The following TDRD3 variants were observed in gnomAD, a reference collection of about 807,000 sequenced individuals.
TDRD3 encodes tudor domain containing 3.
In TDRD3, 45 loss-of-function variants were observed where a neutral mutation model predicts 86.7. That is an observed-to-expected ratio of 0.52 (90% CI 0.41 to 0.67). TDRD3 has a LOEUF of 0.67. Ranked by LOEUF, TDRD3 falls within the 30% of genes least tolerant of loss-of-function variation. The pLI, the probability that TDRD3 is intolerant of heterozygous loss-of-function variation, is 0.00. For missense variants in TDRD3, 814 were observed against 889.0 expected, an observed-to-expected ratio of 0.92 and a Z score of 1.07; for synonymous variants, 298 against 301.7, an observed-to-expected ratio of 0.99 and a Z score of 0.13.
At chr13:60,546,716 C>G (rs1957947988) in intron 12 of TDRD3, among the ~76,000 whole-genome samples, 1 of 152,036 alleles carries the variant, frequency 6.6e-6, no homozygotes, top group Non-Finnish European at 1.5e-5. Context: ...AGGCAGTTTT[C>G]AAAATAATTT....
chr13:60,524,302 T>C (rs1008822772), intron 10 of TDRD3, among the ~76,000 whole-genome samples: 4 of 151,288 alleles, frequency 2.6e-5, no homozygotes, highest in Non-Finnish European at 5.9e-5. Flanking sequence ...AGGTCAGGAG[T>C]TTGAGACCAG....
At chr13:60,517,178 G>A (rs1957191117) in intron 10 of TDRD3, among the ~76,000 whole-genome samples, 1 of 147,568 alleles carries the variant, frequency 6.8e-6, no homozygotes, top group African/African-American at 2.5e-5. Flanking sequence ...TTTTGGCTTT[G>A]TTTTTGCTTT....
intron 8 of TDRD3, among the ~76,000 whole-genome samples, chr13:60,497,142 G>A (rs1956735595): frequency 1.3e-5 from 2 of 152,302 alleles, no homozygotes. Context: ...CGGAAGGGTG[G>A]AAGTCAACGG....
At chr13:60,565,026 C>T (rs1958417314) in intron 12 of TDRD3, among the ~76,000 whole-genome samples, 1 of 144,076 alleles carries the variant, frequency 6.9e-6, no homozygotes, top group African/African-American at 2.6e-5. Context: ...GAACTGAAAA[C>T]CAAACTATCA....
chr13:60,572,666 G>C (rs1422981329), intron 13 of TDRD3, among the ~76,000 whole-genome samples: 1 of 152,214 alleles, frequency 6.6e-6, no homozygotes, highest in Non-Finnish European at 1.5e-5. Context: ...TTTGTTTGAT[G>C]AAAGAATGGT....
chr13:60,536,023 C>T (rs1336817886), intron 12 of TDRD3: 1 of 151,876 alleles, frequency 6.6e-6, no homozygotes, highest in Non-Finnish European at 1.5e-5. Context: ...TTGGTATTTT[C>T]CTAAAATAGC....
At chr13:60,526,317 A>T (rs1370157840) in intron 10 of TDRD3, among the ~76,000 whole-genome samples, 1 of 152,214 alleles carries the variant, frequency 6.6e-6, no homozygotes, top group Admixed American at 6.5e-5. Flanking sequence ...GATAATGTAT[A>T]TAAAGTGCTA....
chr13:60,502,608 A>G (rs1474895594), intron 8 of TDRD3, among the ~76,000 whole-genome samples: 1 of 152,152 alleles, frequency 6.6e-6, no homozygotes, highest in African/African-American at 2.4e-5. Flanking sequence ...GAGCTCAGCC[A>G]TGGGTTTGTA....
In TDRD3 at chr13:60,496,287, CCATATATATA is replaced by C. The variant is rs1229310811; in HGVS notation, c.858+1713_858+1722del. Among the ~76,000 whole-genome samples, 99 of 57,514 alleles carry C rather than the reference CCATATATATA, an allele frequency of 1.7e-3. No individual in the cohort carries two copies. The Middle Eastern group carries it at 0.038, about 22-fold the overall frequency. 37.7% of individuals were successfully genotyped at this position (57,514 alleles called of 152,430 possible). A position where few individuals can be genotyped will look rare whatever the true frequency, so the allele number is the denominator to read the frequency against. On this transcript the variant is annotated intron_variant, in intron 8 of 13. Coordinates refer to ENST00000377881, the MANE Select transcript of TDRD3 (RefSeq NM_001146070.2). ...TTGTGAGTTAATACTTAACAAACTC[CCATATATATA>C]TATATATATATATATATATATATAT...
intron 1 of TDRD3, among the ~76,000 whole-genome samples, chr13:60,424,777 A>G (rs546972604): frequency 1.3e-5 from 2 of 152,284 alleles, no homozygotes; most frequent in South Asian, 2.1e-4. Flanking sequence ...ATTTAACCCG[A>G]TATGCATTGG....
chr13:60,493,481 G>C (rs1042425850), intron 7 of TDRD3, among the ~76,000 whole-genome samples: 2 of 151,918 alleles, frequency 1.3e-5, no homozygotes, highest in Non-Finnish European at 2.9e-5. Flanking sequence ...GGCCAACATG[G>C]TGAAACCCCA....
chr13:60,544,655 CTTGTTA>C (rs1307874195), intron 12 of TDRD3, among the ~76,000 whole-genome samples: 25 of 152,160 alleles, frequency 1.6e-4, no homozygotes, highest in Non-Finnish European at 1.3e-4. Context: ...TCATTAAAAG[CTTGTTA>C]TTCAGAACCT....
intron 1 of TDRD3, among the ~76,000 whole-genome samples, chr13:60,431,624 TAGTGTTA>T (rs1370352282): frequency 6.8e-6 from 1 of 146,524 alleles, no homozygotes; most frequent in Admixed American, 7.1e-5. Flanking sequence ...GATTCTTAAA[TAGTGTTA>T]AGTAATTAAA....
intron 1 of TDRD3, among the ~76,000 whole-genome samples, chr13:60,409,970 G>A (rs1954319754): frequency 6.6e-6 from 1 of 152,156 alleles, no homozygotes; most frequent in Non-Finnish European, 1.5e-5. Context: ...AGGGACCCAG[G>A]GGGAGGTAAT....
At chr13:60,406,789 CTTTAT>C (rs1190444682) in intron 1 of TDRD3, among the ~76,000 whole-genome samples, 1 of 152,150 alleles carries the variant, frequency 6.6e-6, no homozygotes, top group Admixed American at 6.5e-5. Context: ...TTAAAACACT[CTTTAT>C]AAATTTAGAT....
intron 1 of TDRD3, among the ~76,000 whole-genome samples, chr13:60,430,477 T>C (rs111508071): frequency 0.016 from 2,415 of 152,310 alleles, 25 homozygotes; most frequent in Middle Eastern, 0.048. Context: ...AAAATCTGAT[T>C]TATTAAAAAG....
chr13:60,485,982 TATC>T (rs1277226681), intron 7 of TDRD3, 34 bp downstream of exon 7: 2 of 1,567,468 alleles, frequency 1.3e-6, no homozygotes. Context: ...TTTTATTTCT[TATC>T]ATTATGTTCT....
chr13:60,397,439 G>C, intron 1 of TDRD3, 34 bp downstream of exon 1: 2 of 1,477,262 alleles, frequency 1.4e-6, no homozygotes, highest in Non-Finnish European at 9.0e-7. Flanking sequence ...GCCGGGCCGC[G>C]GGTGCGGGCC....
intron 4 of TDRD3, among the ~76,000 whole-genome samples, chr13:60,467,017 G>A (rs761468543): frequency 7.6e-4 from 116 of 152,082 alleles, no homozygotes; most frequent in Non-Finnish European, 1.5e-3. Context: ...ACATGTGTAG[G>A]ATGTGCAGAT....
Sources: allele counts gnomAD v4.1 joint callset (sites outside exome capture counted in the v4.1 genomes callset), GRCh38; gene constraint gnomAD v4.1.1; transcripts MANE v1.5; gene names NCBI Gene and HGNC (gene_info 2026-07-23, HGNC 2026-07-21).